The following TTC19 variants were observed in gnomAD, a reference collection of about 807,000 sequenced individuals.
The protein encoded by TTC19 is tetratricopeptide repeat protein 19, mitochondrial.
A neutral mutation model predicts 49.5 loss-of-function variants in TTC19; 38 were observed. That is an observed-to-expected ratio of 0.77 (90% CI 0.59 to 1.01). The LOEUF (loss-of-function observed/expected upper bound fraction) is 1.01, where lower values mean the gene tolerates loss of function less well. TTC19 is among the 50% of genes least tolerant of loss of function. The probability of loss-of-function intolerance (pLI) is 0.00; values close to 1 mark genes in which losing one functional copy is unlikely to be tolerated. For missense variants in TTC19, 475 were observed against 477.7 expected, an observed-to-expected ratio of 0.99 and a Z score of 0.05; for synonymous variants, 204 against 185.2, an observed-to-expected ratio of 1.10 and a Z score of -0.83.
intron 2 of TTC19, among the ~76,000 whole-genome samples, chr17:16,035,745 T>C (rs1169228880): frequency 6.6e-6 from 1 of 152,100 alleles, no homozygotes; most frequent in East Asian, 1.9e-4. Context: ...TCTCACCATG[T>C]TGCCCAGGTT....
intron 2 of TTC19, among the ~76,000 whole-genome samples, chr17:16,043,374 T>C (rs2058086129): frequency 6.6e-6 from 1 of 152,078 alleles, no homozygotes; most frequent in Non-Finnish European, 1.5e-5. Flanking sequence ...ATATAAATTC[T>C]CCTTTCCACC....
chr17:16,006,970 C>T (rs1421490970), intron 7 of TTC19, among the ~76,000 whole-genome samples: 1 of 152,174 alleles, frequency 6.6e-6, no homozygotes, highest in African/African-American at 2.4e-5. Context: ...CATGTTTTTA[C>T]AATCCATCCT....
chr17:16,015,024 C>G (rs539662753), intron 7 of TTC19, among the ~76,000 whole-genome samples: 3 of 152,082 alleles, frequency 2.0e-5, no homozygotes, highest in African/African-American at 4.8e-5. Flanking sequence ...ATGTAACTTG[C>G]GTTTCTTATG....
chr17:16,033,014 G>A (rs1972552915), downstream of TTC19, among the ~76,000 whole-genome samples: 1 of 152,156 alleles, frequency 6.6e-6, no homozygotes, highest in African/African-American at 2.4e-5. Context: ...GTTTCTAGAT[G>A]TTTAACTGTC....
chr17:16,041,373 C>G (rs1194902438), intron 2 of TTC19: 2 of 146,974 alleles, frequency 1.4e-5, no homozygotes, highest in Non-Finnish European at 3.0e-5. Flanking sequence ...AGTGGGCAGC[C>G]AAATGATGTG....
chr17:16,034,332 C>G (rs1973511115), downstream of TTC19, among the ~76,000 whole-genome samples: 1 of 152,214 alleles, frequency 6.6e-6, no homozygotes, highest in East Asian at 1.9e-4. Flanking sequence ...TTGGTTGACT[C>G]CTGTAATACT....
intron 2 of TTC19, chr17:16,040,606 A>C: frequency 4.0e-5 from 38 of 940,858 alleles, no homozygotes; most frequent in East Asian, 5.3e-5. Flanking sequence ...TCATGATCTC[A>C]ACCTTTATTT....
At chr17:16,020,407 T>G (rs943493364) in intron 7 of TTC19, among the ~76,000 whole-genome samples, 1 of 152,188 alleles carries the variant, frequency 6.6e-6, no homozygotes, top group African/African-American at 2.4e-5. Context: ...TATTCGATCA[T>G]TTTGTATTTT....
downstream of TTC19, chr17:16,032,207 G>A (rs1302500668): frequency 1.5e-6 from 2 of 1,307,652 alleles, no homozygotes; most frequent in African/African-American, 1.5e-5. Context: ...TAAGTCACAG[G>A]AGGGCAGGTT....
chr17:16,021,703 C>A lies in TTC19; in HGVS notation c.677-3314C>A, dbSNP rs572287560. On this transcript the variant is annotated intron_variant, in intron 7 of 9. Transcript: ENST00000261647. Reference sequence around the variant, plus strand: ...GAGGTGGTGTATGCTGCTTGACTTACTGGAAGTAAGGAGTTAGAATTACTG... The same window carrying A: ...GAGGTGGTGTATGCTGCTTGACTTAATGGAAGTAAGGAGTTAGAATTACTG... Among the ~76,000 whole-genome samples the A allele has an allele frequency of 8.5e-5, 13 of 152,272 alleles. No homozygotes were observed. In the South Asian group the frequency reaches 1.7e-3, roughly 19 times the overall value.
chr17:16,017,153 C>T lies in TTC19; in HGVS notation c.677-7864C>T, dbSNP rs531861088. Among the ~76,000 whole-genome samples the T allele has an allele frequency of 2.0e-5, 3 of 152,202 alleles. No individual in the cohort carries two copies. In the South Asian group the frequency reaches 6.2e-4, roughly 32 times the overall value. On this transcript the variant is annotated intron_variant, in intron 7 of 9. Coordinates refer to ENST00000261647, the MANE Select transcript of TTC19 (RefSeq NM_017775.4). The stretch of plus-strand genomic sequence containing the variant: ...GTTACGAATTCTAGTTTTATATTAT[C>T]TACTATATCTTACCCTTAACTTTTC...
At chr17:16,005,254 G>A (rs7212804) in intron 6 of TTC19, among the ~76,000 whole-genome samples, 24,772 of 152,096 alleles carry the variant, frequency 0.16, 4,522 homozygotes, top group African/African-American at 0.45. Context: ...GGCTGATATA[G>A]GTTATGAGGG....
At chr17:16,007,937 C>T (rs1970960303) in intron 7 of TTC19, among the ~76,000 whole-genome samples, 1 of 152,130 alleles carries the variant, frequency 6.6e-6, no homozygotes, top group African/African-American at 2.4e-5. Flanking sequence ...TCAAAGTCAC[C>T]AAATCCAATG....
Position 16,041,893 on chromosome 17 carries a change from T to C in TTC19, c.248-2610T>C, listed in dbSNP as rs961969435. Among the ~76,000 whole-genome samples, 116 of 152,270 alleles carry C rather than the reference T, an allele frequency of 7.6e-4. 1 individual carries two copies. Among genetic ancestry groups the C allele is most frequent in the South Asian group, 4.1e-4 (2 of 4,820 alleles). ...CTGGGACTACAGGCGCCCGCCACTATGCCTGGCTAATTTTTTACATTTTTA... is the reference window on the plus strand; with the variant it reads ...CTGGGACTACAGGCGCCCGCCACTACGCCTGGCTAATTTTTTACATTTTTA... On this transcript the variant is annotated intron_variant, in intron 2 of 2. Coordinates refer to the TTC19 transcript ENST00000470649.
downstream of TTC19, among the ~76,000 whole-genome samples, chr17:16,034,313 G>A (rs147245953): frequency 6.6e-6 from 1 of 152,080 alleles, no homozygotes; most frequent in Non-Finnish European, 1.5e-5. Flanking sequence ...TCTATTCTGG[G>A]TGTGTGCATT....
In TTC19 at chr17:16,028,482, C is replaced by T. The variant is rs1157157722; in HGVS notation, c.*960C>T. 1 of 453,990 alleles carries T rather than the reference C, an allele frequency of 2.2e-6. No individual in the cohort carries two copies. The highest frequency in any genetic ancestry group is 2.3e-5 in the Admixed American group (1 of 42,554). 28.1% of individuals were successfully genotyped at this position (453,990 alleles called of 1,614,324 possible). A position where few individuals can be genotyped will look rare whatever the true frequency, so the allele number is the denominator to read the frequency against. On this transcript the variant is annotated 3_prime_UTR_variant, in exon 10 of 10. Transcript: ENST00000261647. ...GGGAAACACTGGGATTCTTTCTTAG[C>T]TGTGGGGGAAGGTATTTGGTTAGAT...
downstream of TTC19, chr17:16,029,930 T>C (rs1971787166): frequency 6.4e-6 from 1 of 156,016 alleles, no homozygotes; most frequent in Non-Finnish European, 1.4e-5. Context: ...TAGGCTCTGA[T>C]CTGACATGTT....
intron 2 of TTC19, among the ~76,000 whole-genome samples, chr17:16,038,891 C>G (rs112199481): frequency 0.015 from 2,308 of 152,320 alleles, 68 homozygotes; most frequent in African/African-American, 0.054. Context: ...CTGCCTCAGC[C>G]TCCTGAGTAC....
chr17:16,018,136 G>A (rs1188442554), intron 7 of TTC19, among the ~76,000 whole-genome samples: 1 of 152,162 alleles, frequency 6.6e-6, no homozygotes, highest in Non-Finnish European at 1.5e-5. Context: ...TCTAAAGCCT[G>A]CATATTTGCC....
Sources: gnomAD v4.1 joint callset for allele counts (sites outside exome capture counted in the v4.1 genomes callset) on GRCh38, gnomAD v4.1.1 for gene constraint, MANE v1.5 for transcripts, NCBI Gene and HGNC (gene_info 2026-07-23, HGNC 2026-07-21) for gene names.